The following WDR11 variants were observed in gnomAD, a reference collection of about 807,000 sequenced individuals.
The protein encoded by WDR11 is WD repeat domain 11, also known as WD repeat-containing protein 11.
A neutral mutation model predicts 151.2 loss-of-function variants in WDR11; 83 were observed. The ratio of observed to expected loss-of-function variants is 0.55; its 90% confidence interval spans 0.46 to 0.66. The LOEUF (loss-of-function observed/expected upper bound fraction) is 0.66, where lower values mean the gene tolerates loss of function less well. Ranked by LOEUF, WDR11 falls within the 30% of genes least tolerant of loss-of-function variation. The probability of loss-of-function intolerance (pLI) is 0.00; values close to 1 mark genes in which losing one functional copy is unlikely to be tolerated. For missense variants in WDR11, 1,301 were observed against 1,480.9 expected, an observed-to-expected ratio of 0.88 and a Z score of 1.99; for synonymous variants, 484 against 533.1, an observed-to-expected ratio of 0.91 and a Z score of 1.27.
rs746170098 is a variant in WDR11, at chr10:120,871,275, A to G, written c.1400A>G (p.Gln467Arg). The change falls in exon 10 of 29, where the codon CAG becomes CGG. Residue 467 changes from glutamine to arginine, a missense_variant. By Grantham distance (43) the Gln-to-Arg change is conservative. Coordinates refer to ENST00000263461, the MANE Select transcript of WDR11 (RefSeq NM_018117.12). ...TGLLSGLPAP[Q>R]FAIRMCPPLT... ...CTGCTTTCAGGACTGCCCGCACCAC[A>G]GTTTGCTATTCGTATGTGTCCACCG... 13 of 1,613,946 alleles carry G rather than the reference A, an allele frequency of 8.1e-6. No homozygotes were observed. The South Asian group carries it at 1.1e-4, about 14-fold the overall frequency.
At chr10:120,870,384 C>G (rs1378356051) in intron 9 of WDR11, among the ~76,000 whole-genome samples, 1 of 152,048 alleles carries the variant, frequency 6.6e-6, no homozygotes, top group East Asian at 1.9e-4. Context: ...TCCCAATATT[C>G]TGTAGTGGTT....
In WDR11 at chr10:120,854,105, AG is replaced by A. The variant is rs549344505; in HGVS notation, c.198+1471del. On this transcript the variant is annotated intron_variant, in intron 2 of 28. Coordinates refer to ENST00000263461, the MANE Select transcript of WDR11 (RefSeq NM_018117.12). ...ATTCTGTGGCTTTTAGTATATCCAC[AG>A]TTAATGCAGCCACAATTACAATGAA... 1.6e-4 allele frequency among the ~76,000 whole-genome samples: 24 copies of A among 152,320 alleles called. No individual in the cohort carries two copies. In the East Asian group the frequency reaches 4.6e-3, roughly 29 times the overall value.
chr10:120,886,175 A>T (rs1249422674), intron 15 of WDR11, among the ~76,000 whole-genome samples: 1 of 152,166 alleles, frequency 6.6e-6, no homozygotes, highest in Non-Finnish European at 1.5e-5. Context: ...ACCCATCAGC[A>T]TCTAGTAGTA....
chr10:120,879,658 A>C (rs3758510), intron 12 of WDR11: 56,583 of 152,006 alleles, frequency 0.37, 10,629 homozygotes, highest in Admixed American at 0.44. Flanking sequence ...GAGTTCATAG[A>C]TGGTAGACTT....
intron 19 of WDR11, 99 bp from the exon 20 acceptor site, chr10:120,899,930 G>C: frequency 1.0e-6 from 1 of 952,712 alleles, no homozygotes; most frequent in African/African-American, 1.6e-5. Context: ...AGATTTACCT[G>C]TTGCTCTCTG....
intron 12 of WDR11, 60 bp from the exon 13 acceptor site, chr10:120,880,766 C>T: frequency 6.9e-7 from 1 of 1,449,814 alleles, no homozygotes; most frequent in African/African-American, 1.4e-5. Context: ...GGCGTGGCTT[C>T]TTGTTTTTCA....
Position 120,903,174 on chromosome 10 carries a change from A to G in WDR11, c.2873A>G (p.Lys958Arg). The change falls in exon 23 of 29, where the codon AAA becomes AGA. Residue 958 changes from lysine to arginine, a missense_variant. Physicochemically the swap from Lys to Arg is conservative, Grantham distance 26. This residue lies in a region of WDR11 where 589 missense variants were observed against 670.6 expected (regional missense o/e 0.88). Transcript: ENST00000263461. ...CCTAAAGAAGCTGCTCCTCGAGACA[A>G]ACTGAGCAACCCACTGGATATATGC... ...TAPKEAAPRD[K>R]LSNPLDICYD... The G allele has an allele frequency of 1.2e-6, 2 of 1,614,220 alleles. No individual in the cohort carries two copies. Among genetic ancestry groups the G allele is most frequent in the Non-Finnish European group, 1.7e-6 (2 of 1,180,026 alleles).
chr10:120,864,754 ATAT>A (rs1846256956), intron 5 of WDR11, among the ~76,000 whole-genome samples: 1 of 151,626 alleles, frequency 6.6e-6, no homozygotes, highest in African/African-American at 2.4e-5. Context: ...AGCTATTATT[ATAT>A]TATCATTTAC....
intron 14 of WDR11, among the ~76,000 whole-genome samples, chr10:120,884,391 A>G (rs1847140868): frequency 6.6e-6 from 1 of 152,204 alleles, no homozygotes; most frequent in Non-Finnish European, 1.5e-5. Flanking sequence ...ATCAAAGAGG[A>G]TGGACAGACT....
intron 12 of WDR11, 104 bp from the exon 13 acceptor site, chr10:120,880,722 A>G: frequency 1.1e-6 from 1 of 950,066 alleles, no homozygotes; most frequent in Non-Finnish European, 1.6e-6. Context: ...AGGAGAACAG[A>G]GGGTAGGATG....
At chr10:120,867,036 TA>T in intron 8 of WDR11, 29 bp from the exon 9 acceptor site, 1 of 1,561,866 alleles carries the variant, frequency 6.4e-7, no homozygotes, top group Non-Finnish European at 8.8e-7. Flanking sequence ...TTTAAGTATG[TA>T]AAACCTTCTA....
At chr10:120,860,383 T>TG in intron 4 of WDR11, 101 bp downstream of exon 4, 4 of 1,379,560 alleles carry the variant, frequency 2.9e-6, no homozygotes, top group East Asian at 2.5e-5. Context: ...ATCTATAATG[T>TG]TAAAATGACT....
Position 120,909,023 on chromosome 10 carries a change from A to C in WDR11, c.*310A>C, listed in dbSNP as rs1848185756. 19 of 347,038 alleles carry C rather than the reference A, an allele frequency of 5.5e-5. No individual in the cohort carries two copies. In the South Asian group the frequency reaches 6.2e-4, roughly 11 times the overall value. The allele number at this position is 347,038 out of a possible 1,614,324, so 21.5% of individuals were successfully genotyped here. A position where few individuals can be genotyped will look rare whatever the true frequency, so the allele number is the denominator to read the frequency against. ...TAATTTTTTTAACTTAAAATTCAAG[A>C]GACTGAATCACTTTTCTCATTGATT... On this transcript the variant is annotated 3_prime_UTR_variant, in exon 29 of 29. Coordinates refer to ENST00000263461, the MANE Select transcript of WDR11 (RefSeq NM_018117.12).
chr10:120,869,880 C>T (rs879086634), intron 9 of WDR11, among the ~76,000 whole-genome samples: 2 of 152,152 alleles, frequency 1.3e-5, no homozygotes, highest in South Asian at 4.1e-4. Flanking sequence ...ACCTCCACCT[C>T]CCGAGTTCAA....
At chr10:120,868,668 A>T (rs1043484625) in intron 9 of WDR11, 2 of 152,150 alleles carry the variant, frequency 1.3e-5, no homozygotes, top group East Asian at 3.9e-4. Context: ...CAGTCACACA[A>T]TGGAAGAGCC....
intron 15 of WDR11, 90 bp downstream of exon 15, chr10:120,886,028 A>G: frequency 6.4e-7 from 1 of 1,554,826 alleles, no homozygotes; most frequent in Non-Finnish European, 8.8e-7. Context: ...TGTCTATGGT[A>G]GCAAGTTGGA....
chr10:120,908,641 A>G lies in WDR11; in HGVS notation c.3603A>G (p.Ser1201=). The G allele has an allele frequency of 1.2e-6, 2 of 1,614,214 alleles. No homozygotes were observed. Among genetic ancestry groups the G allele is most frequent in the African/African-American group, 2.7e-5 (2 of 75,072 alleles). Residue 1201 remains serine, a synonymous_variant, in exon 29 of 29, where the codon TCA becomes TCG. Coordinates refer to ENST00000263461, the MANE Select transcript of WDR11 (RefSeq NM_018117.12). ...GFKQGAVLFA[S]KAGAAGKDLL... ...AGCAGGGAGCAGTTCTCTTTGCTTC[A>G]AAAGCCGGAGCAGCTGGCAAAGACT...
intron 11 of WDR11, among the ~76,000 whole-genome samples, chr10:120,874,233 T>C (rs1846674430): frequency 7.2e-6 from 1 of 138,064 alleles, no homozygotes; most frequent in Admixed American, 8.2e-5. Context: ...TTTTGTTTTT[T>C]TTAAATGGCA....
chr10:120,871,955 A>G (rs1590074154), intron 10 of WDR11, among the ~76,000 whole-genome samples: 1 of 152,212 alleles, frequency 6.6e-6, no homozygotes, highest in African/African-American at 2.4e-5. Flanking sequence ...ATAGAGAAAA[A>G]AACAAAATTT....
Sources: allele counts gnomAD v4.1 joint callset (sites outside exome capture counted in the v4.1 genomes callset), GRCh38; gene constraint gnomAD v4.1.1; regional missense constraint gnomAD v4.1.1; transcripts MANE v1.5; gene names NCBI Gene and HGNC (gene_info 2026-07-23, HGNC 2026-07-21).